Variants in PLCD3 observed in about 807,000 individuals in gnomAD.
PLCD3 encodes phospholipase C delta 3.
Under a neutral mutation model 82.8 loss-of-function variants are expected in PLCD3, and 62 were observed. The observed-to-expected ratio is 0.75, with a 90% confidence interval of 0.61 to 0.93. PLCD3 has a LOEUF of 0.93. PLCD3 is among the 40% of genes least tolerant of loss of function. The probability of loss-of-function intolerance (pLI) is 0.00; values close to 1 mark genes in which losing one functional copy is unlikely to be tolerated. For missense variants in PLCD3, 1,023 were observed against 1,103.4 expected, an observed-to-expected ratio of 0.93 and a Z score of 1.03; for synonymous variants, 478 against 471.8, an observed-to-expected ratio of 1.01 and a Z score of -0.17.
rs997781665 is a variant in PLCD3, at chr17:45,110,600, A to G, written c.*2016T>C. ...CCTGGGTCTGGTGCTCACCTGACCC[A>G]GACCCCCCAGCCAGCCCCTGGCCAG... On this transcript the variant is annotated 3_prime_UTR_variant, in exon 15 of 15. Coordinates refer to ENST00000619929, the MANE Select transcript of PLCD3 (RefSeq NM_133373.5). 6.6e-6 allele frequency: 1 copy of G among 152,224 alleles called. No individual in the cohort carries two copies. Among genetic ancestry groups the G allele is most frequent in the Non-Finnish European group, 1.5e-5 (1 of 68,066 alleles). The allele number at this position is 152,224 out of a possible 1,614,324, so 9.4% of individuals were successfully genotyped here.
chr17:45,130,005 G>T (rs2054407928), intron 1 of PLCD3, among the ~76,000 whole-genome samples: 1 of 152,206 alleles, frequency 6.6e-6, no homozygotes, highest in Admixed American at 6.5e-5. Flanking sequence ...CTACCTGGGT[G>T]ACAGGCCTAG....
At chr17:45,116,869 C>T in intron 7 of PLCD3, 85 bp from the exon 8 acceptor site, 1 of 1,444,862 alleles carries the variant, frequency 6.9e-7, no homozygotes, top group Non-Finnish European at 9.1e-7. Flanking sequence ...CCCTTCAGGA[C>T]AGGCAGGCAA....
rs760158160 is a variant in PLCD3 at position 45,118,264 on chromosome 17, G to A, written c.1115+27C>T. 37 of 1,613,238 alleles carry A rather than the reference G, an allele frequency of 2.3e-5. No individual in the cohort carries two copies. The East Asian group carries it at 4.2e-4, about 18-fold the overall frequency. On this transcript the variant is annotated intron_variant, in intron 6 of 14. Coordinates refer to ENST00000619929, the MANE Select transcript of PLCD3 (RefSeq NM_133373.5). The surrounding 1 kb of genome is among the most constrained non-coding windows in gnomAD (Gnocchi z 4.1). ...ATGTCTCTCCCCAGGTGGGGCTCCC[G>A]GAAACATTCACCCCCTGCTACAGTA...
chr17:45,121,383 G>C lies in PLCD3; in HGVS notation c.164-11C>G. The C allele has an allele frequency of 1.3e-6, 2 of 1,493,998 alleles. No individual in the cohort carries two copies. The highest frequency in any genetic ancestry group is 8.9e-7 in the Non-Finnish European group (1 of 1,127,798). The allele number at this position is 1,493,998 out of a possible 1,614,324, so 92.5% of individuals were successfully genotyped here. On this transcript the variant is annotated splice_polypyrimidine_tract_variant and intron_variant, in intron 1 of 14. Coordinates refer to ENST00000619929, the MANE Select transcript of PLCD3 (RefSeq NM_133373.5). ...CGTCCTCCGTCAGGCCTGGCGGGGC[G>C]GGAGGACCCGGGGCGTCAGGCCGTA...
At chr17:45,120,501 C>G in intron 3 of PLCD3, 47 bp from the exon 4 acceptor site, 1 of 1,611,580 alleles carries the variant, frequency 6.2e-7, no homozygotes. Flanking sequence ...CTGCCCCCAG[C>G]CCTCAGGTAA....
Position 45,132,321 on chromosome 17 carries a change from G to T in PLCD3, c.90C>A (p.Val30=). ...AQVAAQVAAP[V]ALPSPPTPSD... is the part of the protein sequence containing the mutation. Reference sequence around the variant, plus strand: ...AGGGAGTCGGCGGGGACGGGAGAGCGACCGGCGCCGCGACTTGGGCTGCGA... The same window carrying T: ...AGGGAGTCGGCGGGGACGGGAGAGCTACCGGCGCCGCGACTTGGGCTGCGA... Residue 30 remains valine (V), a synonymous_variant, in exon 1 of 15, where the codon GTC becomes GTA. Transcript: ENST00000619929. The surrounding 1 kb of genome is among the most constrained non-coding windows in gnomAD (Gnocchi z 4.6). 8.0e-7 allele frequency: 1 copy of T among 1,242,328 alleles called. No homozygotes were observed. Among genetic ancestry groups the T allele is most frequent in the East Asian group, 3.1e-5 (1 of 32,412 alleles). The allele number at this position is 1,242,328 out of a possible 1,614,324, so 77.0% of individuals were successfully genotyped here.
At chr17:45,123,120 G>A (rs1011557514) in intron 1 of PLCD3, among the ~76,000 whole-genome samples, 2 of 152,060 alleles carry the variant, frequency 1.3e-5, no homozygotes, top group Non-Finnish European at 2.9e-5. Context: ...GTGACCCCAA[G>A]GCCCTGGCTT....
At chr17:45,116,445 GGA>G (rs1355887686) in intron 8 of PLCD3, among the ~76,000 whole-genome samples, 185 bp downstream of exon 8, 6 of 152,104 alleles carry the variant, frequency 3.9e-5, no homozygotes, top group African/African-American at 1.4e-4. Flanking sequence ...AGTCAAGAAT[GGA>G]GAGCCAGAGG....
At chr17:45,115,046 A>AGGTC (rs2143551165) in intron 10 of PLCD3, 48 bp downstream of exon 10, 1 of 1,552,628 alleles carries the variant, frequency 6.4e-7, no homozygotes, top group East Asian at 2.4e-5. Context: ...TCCCTTCAGG[A>AGGTC]GGTCTCTCAC....
chr17:45,119,101 T>C (rs2054317193), intron 4 of PLCD3, 58 bp from the exon 5 acceptor site: 1 of 1,370,972 alleles, frequency 7.3e-7, no homozygotes, highest in Non-Finnish European at 1.0e-6. Context: ...CCTGGCCCCT[T>C]TGACCCATCT....
At position 45,116,616 on chromosome 17, in the gene PLCD3, G is replaced by A; in HGVS notation, c.1413+16C>T. ...CAGACCTCCCTCCACCCAGGCTAGG[G>A]GCTGGGGGGCGTCACCTCTGGGGAT... On this transcript the variant is annotated intron_variant, in intron 8 of 14. Transcript: ENST00000619929. 6.4e-7 allele frequency: 1 copy of A among 1,562,292 alleles called. No homozygotes were observed. Among genetic ancestry groups the A allele is most frequent in the Non-Finnish European group, 8.7e-7 (1 of 1,151,986 alleles).
chr17:45,125,056 G>A (rs2054371051), intron 1 of PLCD3, among the ~76,000 whole-genome samples: 1 of 151,860 alleles, frequency 6.6e-6, no homozygotes, highest in Non-Finnish European at 1.5e-5. Context: ...GCTGGGCATG[G>A]TGGCTCACAC....
At chr17:45,121,993 T>C (rs939803538) in intron 1 of PLCD3, among the ~76,000 whole-genome samples, 1 of 151,354 alleles carries the variant, frequency 6.6e-6, no homozygotes, top group African/African-American at 2.4e-5. Context: ...TCTGCCACTA[T>C]CCCCCACCAC....
rs1195637253 is a variant in PLCD3 at position 45,121,311 on chromosome 17, GCGGATCTTGCGGAGC to G, written c.210_224del (p.Leu71_Arg75del). On this transcript the variant is annotated inframe_deletion, in exon 2 of 15. Transcript: ENST00000619929. The stretch of plus-strand genomic sequence containing the variant: ...GCCGCTCCTTGTGCCACGTGCGCGA[GCGGATCTTGCGGAGC>G]CGGGAGCCCCGCAGCATGGCGCGCA... 6.4e-7 allele frequency: 1 copy of G among 1,566,796 alleles called. No homozygotes were observed. The highest frequency in any genetic ancestry group is 1.4e-5 in the African/African-American group (1 of 74,066).
rs779846560 is a variant in PLCD3, at chr17:45,118,427, C to T, written c.979G>A (p.Ala327Thr). Reference protein sequence around the residue: ...MMYLLSPEGAALDNTHTCVFQ... With the variant: ...MMYLLSPEGATLDNTHTCVFQ... ...ACACACGTGTGGGTGTTGTCCAAGG[C>T]AGCCCCCTCCGGCGACAACAGGTAC... The change falls in exon 6 of 15, where the codon GCC becomes ACC. Residue 327 changes from alanine to threonine, a missense_variant. Physicochemically the swap from Ala to Thr is moderately conservative, Grantham distance 58 (BLOSUM62 0). Around this residue, in one of 3 missense-constraint regions of PLCD3, gnomAD observed 553 missense variants for 655.7 expected, o/e 0.84. Transcript: ENST00000619929. This position sits in a 1 kb window ranked among gnomAD's most constrained non-coding sequence, Gnocchi z 4.1. The T allele has an allele frequency of 2.5e-6, 4 of 1,613,900 alleles. No homozygotes were observed.
chr17:45,124,289 G>A (rs2054364884), intron 1 of PLCD3, among the ~76,000 whole-genome samples: 1 of 152,212 alleles, frequency 6.6e-6, no homozygotes, highest in South Asian at 2.1e-4. Context: ...ACGCCTGACT[G>A]GGCCCCCACT....
Position 45,115,231 on chromosome 17 carries a change from G to A in PLCD3, c.1574C>T (p.Ser525Phe), listed in dbSNP as rs1370200058. 6.4e-7 allele frequency: 1 copy of A among 1,566,066 alleles called. No homozygotes were observed. The highest frequency in any genetic ancestry group is 1.3e-5 in the African/African-American group (1 of 74,152). ...AAQRRLAKQI[S>F]PELSALAVYC... ...CACAGCCAGGGCCGACAGCTCCGGG[G>A]AGATCTGCTTGGCCTAGGAGACCAG... Residue 525 changes from serine to phenylalanine, a missense_variant, in exon 10 of 15, where the codon TCC becomes TTC. Transcript: ENST00000619929.
Position 45,132,303 on chromosome 17 carries a change from C to G in PLCD3, c.108G>C (p.Pro36=). 1.6e-6 allele frequency: 2 copies of G among 1,259,492 alleles called. No homozygotes were observed. The highest frequency in any genetic ancestry group is 2.0e-6 in the Non-Finnish European group (2 of 1,001,542). The allele number at this position is 1,259,492 out of a possible 1,614,324, so 78.0% of individuals were successfully genotyped here. A position where few individuals can be genotyped will look rare whatever the true frequency, so the allele number is the denominator to read the frequency against. Residue 36 remains proline (P), a synonymous_variant, in exon 1 of 15, where the codon CCG becomes CCC. Transcript: ENST00000619929. This position sits in a 1 kb window ranked among gnomAD's most constrained non-coding sequence, Gnocchi z 4.6. The part of the protein sequence containing the change: ...VAAPVALPSP[P]TPSDGGTKRP... Reference sequence around the variant, plus strand: ...TCTTGGTGCCGCCATCGGAGGGAGTCGGCGGGGACGGGAGAGCGACCGGCG... The same window carrying G: ...TCTTGGTGCCGCCATCGGAGGGAGTGGGCGGGGACGGGAGAGCGACCGGCG...
rs376535864 is a variant in PLCD3, at chr17:45,113,621, G to A, written c.1829-16C>T. The A allele has an allele frequency of 1.9e-6, 3 of 1,552,806 alleles. No homozygotes were observed. The African/African-American group carries it at 4.1e-5, about 21-fold the overall frequency. On this transcript the variant is annotated splice_polypyrimidine_tract_variant and intron_variant, in intron 11 of 14. Transcript: ENST00000619929. ...TTCAAGGCCACTGTGGACACAGCAG[G>A]GTCAGAGCAGGGGCTCTTAGCGGCC...
Sources: allele counts gnomAD v4.1 joint callset (sites outside exome capture counted in the v4.1 genomes callset), GRCh38; gene constraint gnomAD v4.1.1; regional missense constraint gnomAD v4.1.1; non-coding constraint Gnocchi (gnomAD v3.1); transcripts MANE v1.5; gene names NCBI Gene and HGNC (gene_info 2026-07-23, HGNC 2026-07-21).